TDRKH: variants seen among roughly 807,000 people sequenced by gnomAD.
The protein encoded by TDRKH is tudor and KH domain containing.
TDRKH carries 28 observed loss-of-function variants against 61.3 expected under a neutral mutation model. The ratio of observed to expected loss-of-function variants is 0.46; its 90% CI spans 0.34 to 0.63. TDRKH has a LOEUF of 0.63. TDRKH is among the 20% of genes least tolerant of loss of function. TDRKH has a pLI of 0.01. For synonymous variants in TDRKH, 219 were observed against 244.4 expected (o/e 0.90, Z 0.97); for missense variants, 540 against 683.4 (o/e 0.79, Z 2.34).
downstream of TDRKH, chr1:151,766,726 CT>C: frequency 1.3e-6 from 2 of 1,552,124 alleles, no homozygotes; most frequent in Non-Finnish European, 1.7e-6. Flanking sequence ...GAAAAACTGC[CT>C]TGTAAGAGGT....
rs762308333 is a variant in TDRKH at position 151,776,226 on chromosome 1, G to A, written c.1087C>T (p.Pro363Ser). 6.2e-7 allele frequency: 1 copy of A among 1,614,174 alleles called. No homozygotes were observed. Among genetic ancestry groups the A allele is most frequent in the South Asian group, 1.1e-5 (1 of 91,078 alleles). The change falls in exon 8 of 13, where the codon CCT becomes TCT. Residue 363 changes from proline to serine, a missense_variant. By Grantham distance (74) the Pro-to-Ser change is moderately conservative (BLOSUM62 -1). Coordinates refer to ENST00000368824, the MANE Select transcript of TDRKH (RefSeq NM_001083965.2). ...TACCAGGAACCATTTGTAGGTAAAG[G>A]TGCTGCTACAATGTCTCCTACATGC... The part of the protein sequence containing the change: ...TVHVGDIVAA[P>S]LPTNGSWYRA...
chr1:151,769,930 G>A (rs1031341111), downstream of TDRKH, among the ~76,000 whole-genome samples: 3 of 134,686 alleles, frequency 2.2e-5, no homozygotes, highest in African/African-American at 7.9e-5. Flanking sequence ...AAACCAGTCA[G>A]GCATGGCGGC....
intron 6 of TDRKH, 73 bp downstream of exon 6, chr1:151,778,612 C>A: frequency 1.2e-6 from 2 of 1,600,320 alleles, no homozygotes; most frequent in Middle Eastern, 1.7e-4. Flanking sequence ...GAAGGCATTC[C>A]TTCTAATCTC....
At chr1:151,779,883 G>A in intron 4 of TDRKH, 68 bp downstream of exon 4, 2 of 1,489,936 alleles carry the variant, frequency 1.3e-6, no homozygotes, top group South Asian at 1.4e-5. Flanking sequence ...AAAAAACCCT[G>A]GGAAGGTGTG....
At chr1:151,784,030 T>C (rs1206115159) in intron 1 of TDRKH, among the ~76,000 whole-genome samples, 1 of 152,192 alleles carries the variant, frequency 6.6e-6, no homozygotes, top group South Asian at 2.1e-4. Context: ...CCCTCTCCAC[T>C]CAAACGTCTC....
rs560512920 is a variant in TDRKH, at chr1:151,776,280, G to A, written c.1045-12C>T. The stretch of plus-strand genomic sequence containing the variant: ...GTCAAGTCTTCAGGCTGTATGTGGG[G>A]AGGAGGAGAAAGGCAGAGAGTTACA... On this transcript the variant is annotated splice_polypyrimidine_tract_variant and intron_variant, in intron 7 of 12. Coordinates refer to ENST00000368824, the MANE Select transcript of TDRKH (RefSeq NM_001083965.2). 35 of 1,611,606 alleles carry A rather than the reference G, an allele frequency of 2.2e-5. No homozygotes were observed. The Admixed American group carries it at 4.7e-4, about 22-fold the overall frequency.
downstream of TDRKH, chr1:151,767,199 G>A (rs537747674): frequency 2.0e-4 from 320 of 1,613,998 alleles, no homozygotes; most frequent in Middle Eastern, 1.6e-3. Flanking sequence ...TGACACTCCA[G>A]CCCCGTTCCT....
downstream of TDRKH, chr1:151,767,267 G>A (rs1648398810): frequency 6.2e-7 from 1 of 1,613,964 alleles, no homozygotes; most frequent in Non-Finnish European, 8.5e-7. Flanking sequence ...CACCGAGCAG[G>A]GTAACCACGA....
intron 9 of TDRKH, 67 bp from the exon 10 acceptor site, chr1:151,775,610 C>G (rs1649087196): frequency 1.3e-6 from 2 of 1,547,478 alleles, no homozygotes; most frequent in Non-Finnish European, 1.7e-6. Flanking sequence ...GAAGTTGGAA[C>G]TACCCTTTTC....
chr1:151,770,464 T>C (rs1011281469), downstream of TDRKH: 2 of 618,608 alleles, frequency 3.2e-6, no homozygotes, highest in Non-Finnish European at 5.2e-6. Flanking sequence ...CTGCAGGTGG[T>C]GTTAGGGGCC....
chr1:151,774,888 G>T, intron 11 of TDRKH, 82 bp from the exon 12 acceptor site: 1 of 1,512,164 alleles, frequency 6.6e-7, no homozygotes, highest in Non-Finnish European at 9.2e-7. Context: ...CTTCTCATAG[G>T]ACCTGGTTAA....
intron 8 of TDRKH, 87 bp from the exon 9 acceptor site, chr1:151,775,971 G>T: frequency 6.3e-7 from 1 of 1,577,434 alleles, no homozygotes; most frequent in Non-Finnish European, 8.7e-7. Flanking sequence ...ACTAACATGA[G>T]ACGATAACCA....
At chr1:151,774,938 T>G in intron 11 of TDRKH, 127 bp downstream of exon 11, 1 of 1,350,466 alleles carries the variant, frequency 7.4e-7, no homozygotes, top group Non-Finnish European at 1.0e-6. Context: ...AAAATGCTCC[T>G]TTGGTCAACT....
chr1:151,784,781 T>C (rs1394275943), intron 1 of TDRKH, among the ~76,000 whole-genome samples: 2 of 152,184 alleles, frequency 1.3e-5, no homozygotes, highest in Admixed American at 6.5e-5. Flanking sequence ...ATCTAGATGC[T>C]GATAACTTCC....
chr1:151,766,844 C>T (rs1202488720), downstream of TDRKH: 1 of 1,612,366 alleles, frequency 6.2e-7, no homozygotes, highest in Non-Finnish European at 8.5e-7. Flanking sequence ...GTTACAAGTA[C>T]CGGATCACTC....
chr1:151,770,288 G>A (rs1466502320), downstream of TDRKH: 5 of 1,603,530 alleles, frequency 3.1e-6, no homozygotes, highest in Non-Finnish European at 4.3e-6. Context: ...CTTGCTTTTC[G>A]CGCTGAGGCA....
At chr1:151,777,473 A>G (rs1037593671) in intron 6 of TDRKH, among the ~76,000 whole-genome samples, 1 of 152,098 alleles carries the variant, frequency 6.6e-6, no homozygotes, top group East Asian at 1.9e-4. Flanking sequence ...TAGAGGAACA[A>G]TATCATGTAA....
downstream of TDRKH, chr1:151,770,667 C>T (rs1781423): frequency 0.42 from 97,457 of 230,244 alleles, 22,316 homozygotes; most frequent in Non-Finnish European, 0.51. Flanking sequence ...CCTCAAGGAG[C>T]TCAAACTCTG....
downstream of TDRKH, chr1:151,771,518 T>C (rs1326835638): frequency 9.3e-6 from 4 of 429,370 alleles, no homozygotes; most frequent in Non-Finnish European, 1.5e-5. Flanking sequence ...TTCTAACCAT[T>C]TACTGAGCAC....
Sources: allele counts gnomAD v4.1 joint callset (sites outside exome capture counted in the v4.1 genomes callset), GRCh38; gene constraint gnomAD v4.1.1; transcripts MANE v1.5; gene names NCBI Gene and HGNC (gene_info 2026-07-23, HGNC 2026-07-21).